Variants in COG2 observed in about 807,000 individuals in gnomAD.
COG2 encodes component of oligomeric golgi complex 2.
A neutral mutation model predicts 90.6 loss-of-function variants in COG2; 52 were observed. The ratio of observed to expected loss-of-function variants is 0.57; its 90% CI spans 0.46 to 0.72. The LOEUF (loss-of-function observed/expected upper bound fraction) is 0.72, where lower values mean the gene tolerates loss of function less well. Ranked by LOEUF, COG2 falls within the 30% of genes least tolerant of loss-of-function variation. The probability of loss-of-function intolerance (pLI) is 0.00; values close to 1 mark genes in which losing one functional copy is unlikely to be tolerated. For missense variants in COG2, 829 were observed against 891.2 expected (o/e 0.93, Z 0.89); for synonymous variants, 337 against 320.4 (o/e 1.05, Z -0.55).
At chr1:230,690,262 C>G in intron 16 of COG2, 109 bp downstream of exon 16, 1 of 888,006 alleles carries the variant, frequency 1.1e-6, no homozygotes, top group Non-Finnish European at 1.8e-6. Flanking sequence ...GACTGCCTAG[C>G]ACTTCTTCAC....
rs1324400926 is a variant in COG2, at chr1:230,664,725, G to A, written c.485+138G>A. 4 of 512,538 alleles carry A rather than the reference G, an allele frequency of 7.8e-6. No individual in the cohort carries two copies. The Admixed American group carries it at 1.5e-4, about 20-fold the overall frequency. The allele number at this position is 512,538 out of a possible 1,614,324, so 31.7% of individuals were successfully genotyped here. On this transcript the variant is annotated intron_variant, in intron 5 of 17. Transcript: ENST00000366669. ...TGTTTTTAAATGTAGCTCAAGCAAA[G>A]CAGAGTGCATGAAATGGTAAAGCTT...
At chr1:230,644,787 GT>G (rs1661719088) in intron 1 of COG2, among the ~76,000 whole-genome samples, 1 of 152,168 alleles carries the variant, frequency 6.6e-6, no homozygotes, top group Admixed American at 6.5e-5. Flanking sequence ...TCATTGTGGA[GT>G]TACAGTCAGG....
intron 1 of COG2, among the ~76,000 whole-genome samples, chr1:230,654,466 C>CTA (rs1305415189): frequency 6.6e-6 from 1 of 152,080 alleles, no homozygotes; most frequent in East Asian, 1.9e-4. Flanking sequence ...TTCCAATGGT[C>CTA]TATATATATC....
At chr1:230,672,922 C>T (rs12143774) in intron 8 of COG2, among the ~76,000 whole-genome samples, 2,112 of 152,246 alleles carry the variant, frequency 0.014, 26 homozygotes, top group Non-Finnish European at 0.022. Flanking sequence ...TTTCATGGAG[C>T]AAGCAATGTA....
In COG2 at chr1:230,650,548, G is replaced by A. The variant is rs576043652; in HGVS notation, c.72+7870G>A. On this transcript the variant is annotated intron_variant, in intron 1 of 17. Coordinates refer to ENST00000366669, the MANE Select transcript of COG2 (RefSeq NM_007357.3). The stretch of plus-strand genomic sequence containing the variant: ...TGTCTTTTGCCCACTTTTTAATGGG[G>A]TTACTTGTTTTTTTCTTGTTGATTT... Among the ~76,000 whole-genome samples the A allele has an allele frequency of 6.6e-5, 10 of 152,154 alleles. No homozygotes were observed. The South Asian group carries it at 1.9e-3, about 28-fold the overall frequency.
At chr1:230,676,723 TA>T (rs1662609612) in intron 9 of COG2, among the ~76,000 whole-genome samples, 1 of 152,206 alleles carries the variant, frequency 6.6e-6, no homozygotes, top group South Asian at 2.1e-4. Flanking sequence ...GATGATAATT[TA>T]TTTTTTTAAT....
chr1:230,672,511 T>C (rs1662474522), intron 8 of COG2, among the ~76,000 whole-genome samples: 2 of 152,048 alleles, frequency 1.3e-5, no homozygotes, highest in South Asian at 4.1e-4. Flanking sequence ...CACATGAAGC[T>C]CCAGCTCAGA....
chr1:230,678,153 G>A, intron 9 of COG2: 1 of 985,390 alleles, frequency 1.0e-6, no homozygotes, highest in Non-Finnish European at 1.2e-6. Context: ...GAGCCTGGGG[G>A]CTTCGGGAAT....
chr1:230,663,646 T>C (rs777843977), intron 4 of COG2, among the ~76,000 whole-genome samples: 1 of 152,230 alleles, frequency 6.6e-6, no homozygotes, highest in Non-Finnish European at 1.5e-5. Flanking sequence ...TCTTGGTTCA[T>C]GGTAGATGCT....
At chr1:230,645,476 C>T (rs1661747421) in intron 1 of COG2, among the ~76,000 whole-genome samples, 1 of 152,120 alleles carries the variant, frequency 6.6e-6, no homozygotes, top group Non-Finnish European at 1.5e-5. Context: ...ATCTTGCTGA[C>T]AGCAACCTCG....
chr1:230,674,751 C>G (rs930653597), intron 8 of COG2, among the ~76,000 whole-genome samples: 1 of 152,104 alleles, frequency 6.6e-6, no homozygotes, highest in Non-Finnish European at 1.5e-5. Flanking sequence ...TATGTGGCTT[C>G]CCTTAGCCTT....
rs1571963743 is a variant in COG2 at position 230,686,822 on chromosome 1, T to C, written c.1381-113T>C. 14 of 560,218 alleles carry C rather than the reference T, an allele frequency of 2.5e-5. No homozygotes were observed. In the East Asian group the frequency reaches 4.0e-4, roughly 16 times the overall value. The allele number at this position is 560,218 out of a possible 1,614,324, so 34.7% of individuals were successfully genotyped here. A position where few individuals can be genotyped will look rare whatever the true frequency, so the allele number is the denominator to read the frequency against. ...TTATTAGTAAGTTTTTACTAAATGC[T>C]ATGTAGACAGCTAGCATTTAATGGT... On this transcript the variant is annotated intron_variant, in intron 12 of 17. Coordinates refer to ENST00000366669, the MANE Select transcript of COG2 (RefSeq NM_007357.3).
At chr1:230,692,836 C>T (rs1262003100) in intron 17 of COG2, among the ~76,000 whole-genome samples, 3 of 151,664 alleles carry the variant, frequency 2.0e-5, no homozygotes, top group East Asian at 1.9e-4. Flanking sequence ...TGCCATGTCT[C>T]GGTGACCAAA....
In COG2 at chr1:230,664,618, T is replaced by C. The variant is rs982848931; in HGVS notation, c.485+31T>C. ...TATTTTTTATTAAATAACTCGTAAA[T>C]TAATACTTCACATCCAGAGTAAAAA... is the stretch of plus-strand genomic sequence containing the variant. On this transcript the variant is annotated intron_variant, in intron 5 of 17. Transcript: ENST00000366669. 7 of 1,120,658 alleles carry C rather than the reference T, an allele frequency of 6.2e-6. No homozygotes were observed. In the African/African-American group the frequency reaches 1.1e-4, roughly 18 times the overall value. 69.4% of individuals were successfully genotyped at this position (1,120,658 alleles called of 1,614,324 possible). A position where few individuals can be genotyped will look rare whatever the true frequency, so the allele number is the denominator to read the frequency against.
intron 15 of COG2, among the ~76,000 whole-genome samples, chr1:230,689,791 C>G (rs572594508): frequency 1.3e-5 from 2 of 152,366 alleles, no homozygotes; most frequent in Admixed American, 1.3e-4. Context: ...TCAACCCAGT[C>G]TGGCTCCAGA....
intron 15 of COG2, among the ~76,000 whole-genome samples, chr1:230,689,019 A>G (rs1206054879): frequency 1.3e-5 from 2 of 151,794 alleles, no homozygotes; most frequent in Non-Finnish European, 2.9e-5. Context: ...ATTTAGGGGG[A>G]AAAAAAACTA....
At chr1:230,687,857 T>G (rs1259981822) in intron 13 of COG2, 2 of 495,566 alleles carry the variant, frequency 4.0e-6, no homozygotes, top group African/African-American at 4.1e-5. Context: ...TGCCTGTTAA[T>G]AGCCATTAAA....
At position 230,642,531 on chromosome 1, in the gene COG2, G is replaced by A. The variant is rs1351914757; in HGVS notation, c.-76G>A. The A allele has an allele frequency of 2.7e-6, 4 of 1,460,314 alleles. No individual in the cohort carries two copies. The highest frequency in any genetic ancestry group is 2.8e-5 in the African/African-American group (2 of 71,218). The allele number at this position is 1,460,314 out of a possible 1,614,324, so 90.5% of individuals were successfully genotyped here. ...TGCCGTGGAAACTGGCGGTGGCCGC[G>A]GCCGCCGAGTCGGTCTGCGCAGCCT... On this transcript the variant is annotated 5_prime_UTR_variant, in exon 1 of 18. Transcript: ENST00000366669.
At chr1:230,662,036 C>T (rs1026198151) in intron 3 of COG2, among the ~76,000 whole-genome samples, 1 of 151,808 alleles carries the variant, frequency 6.6e-6, no homozygotes, top group Non-Finnish European at 1.5e-5. Flanking sequence ...CCTCTCCCTC[C>T]TCTCCTCTCC....
Sources: allele counts gnomAD v4.1 joint callset (sites outside exome capture counted in the v4.1 genomes callset), GRCh38; gene constraint gnomAD v4.1.1; transcripts MANE v1.5; gene names NCBI Gene and HGNC (gene_info 2026-07-23, HGNC 2026-07-21).